TBRG1: variants seen among roughly 807,000 people sequenced by gnomAD.
TBRG1 encodes nuclear interactor of ARF and MDM2.
Under a neutral mutation model 44.0 loss-of-function variants are expected in TBRG1, and 31 were observed. That is an observed-to-expected ratio of 0.70 (90% CI 0.53 to 0.95). The LOEUF (loss-of-function observed/expected upper bound fraction) is 0.95, where lower values mean the gene tolerates loss of function less well. TBRG1 is among the 40% of genes least tolerant of loss of function. TBRG1 has a pLI of 0.00. For synonymous variants in TBRG1, 171 were observed against 188.1 expected (o/e 0.91, Z 0.74); for missense variants, 487 against 496.1 (o/e 0.98, Z 0.18).
Position 124,626,909 on chromosome 11 carries a change from C to T in TBRG1, c.597C>T (p.Ile199=). Residue 199 remains isoleucine (I), a synonymous_variant, in exon 5 of 9, where the codon ATC becomes ATT. Coordinates refer to ENST00000441174, the MANE Select transcript of TBRG1 (RefSeq NM_032811.3). ...GLTVYSLGEI[I]TDRPGFHDES... ...TGGGGGAATGTTTTTTATAGATCAT[C>T]ACCGACCGACCTGGCTTTCATGATG... 1.2e-6 allele frequency: 2 copies of T among 1,605,138 alleles called. No homozygotes were observed. Among genetic ancestry groups the T allele is most frequent in the Non-Finnish European group, 1.7e-6 (2 of 1,175,384 alleles).
intron 6 of TBRG1, 82 bp downstream of exon 6, chr11:124,630,567 G>A (rs1942586317): frequency 1.7e-6 from 2 of 1,154,332 alleles, no homozygotes; most frequent in Non-Finnish European, 2.6e-6. Flanking sequence ...TTAATGGGTG[G>A]AGATACTTTA....
At chr11:124,629,821 C>T (rs956412421) in intron 5 of TBRG1, 4 of 152,612 alleles carry the variant, frequency 2.6e-5, no homozygotes, top group Admixed American at 6.5e-5. Flanking sequence ...AAAATCATTG[C>T]GCTTTATAGA....
At position 124,622,958 on chromosome 11, in the gene TBRG1, G is replaced by C. The variant is rs1439282204; in HGVS notation, c.-126G>C. 1.5e-5 allele frequency: 17 copies of C among 1,104,058 alleles called. No homozygotes were observed. Among genetic ancestry groups the C allele is most frequent in the South Asian group, 1.5e-4 (9 of 60,560 alleles). The allele number at this position is 1,104,058 out of a possible 1,614,324, so 68.4% of individuals were successfully genotyped here. The stretch of plus-strand genomic sequence containing the variant: ...TGCGGTCAGCCCTGGGAACGTCCCG[G>C]AGAGCTAGATTCCTAGAGGCCCGAT... On this transcript the variant is annotated 5_prime_UTR_variant, in exon 1 of 9. Coordinates refer to ENST00000441174, the MANE Select transcript of TBRG1 (RefSeq NM_032811.3).
In TBRG1 at chr11:124,626,516, T is replaced by C. The variant is rs1363201656; in HGVS notation, c.498T>C (p.Ala166=). 6.5e-7 allele frequency: 1 copy of C among 1,550,056 alleles called. No homozygotes were observed. Among genetic ancestry groups the C allele is most frequent in the Non-Finnish European group, 8.7e-7 (1 of 1,146,210 alleles). The stretch of plus-strand genomic sequence containing the variant: ...AGAAAAAGAAAATGGCGGGAGGTGC[T>C]CGCAAGCTGGTTCAGCCCATTGCCC... ...TCKKKKMAGG[A]RKLVQPIALD... is the part of the protein sequence containing the mutation. Residue 166 remains alanine (A), a synonymous_variant, in exon 4 of 9, where the codon GCT becomes GCC. Transcript: ENST00000441174.
intron 5 of TBRG1, among the ~76,000 whole-genome samples, chr11:124,629,045 CTAAAG>C (rs1942549810): frequency 6.6e-6 from 1 of 152,154 alleles, no homozygotes; most frequent in Non-Finnish European, 1.5e-5. Context: ...ATCTTCAAGA[CTAAAG>C]TATAACATTT....
chr11:124,631,394 A>C lies in TBRG1; in HGVS notation c.1067A>C (p.Asp356Ala). The change falls in exon 8 of 9, where the codon GAT becomes GCT. Residue 356 changes from aspartate (D) to alanine (A), a missense_variant. Physicochemically the swap from Asp to Ala is moderately radical, Grantham distance 126. Transcript: ENST00000441174. Reference sequence around the variant, plus strand: ...TTTCAGAGACAGATCTTTGATGAAGATCAGAATGATCCCCTTCTGCCAGGT... The same window carrying C: ...TTTCAGAGACAGATCTTTGATGAAGCTCAGAATGATCCCCTTCTGCCAGGT... ...EAFQRQIFDEDQNDPLLPGSL... is the reference protein window; with the variant it reads ...EAFQRQIFDEAQNDPLLPGSL... The C allele has an allele frequency of 6.2e-7, 1 of 1,614,024 alleles. No homozygotes were observed. Among genetic ancestry groups the C allele is most frequent in the Non-Finnish European group, 8.5e-7 (1 of 1,179,888 alleles).
intron 5 of TBRG1, among the ~76,000 whole-genome samples, chr11:124,628,860 G>C (rs769239687): frequency 1.3e-5 from 2 of 152,130 alleles, no homozygotes; most frequent in Non-Finnish European, 2.9e-5. Context: ...ATGTGCAAAT[G>C]TGAACAAAGT....
rs11601766 is a variant in TBRG1 at position 124,631,057 on chromosome 11, T to C, written c.947+202T>C. 10 of 634,734 alleles carry C rather than the reference T, an allele frequency of 1.6e-5. No individual in the cohort carries two copies. In the East Asian group the frequency reaches 2.8e-4, roughly 17 times the overall value. The allele number at this position is 634,734 out of a possible 1,614,324, so 39.3% of individuals were successfully genotyped here. A position where few individuals can be genotyped will look rare whatever the true frequency, so the allele number is the denominator to read the frequency against. On this transcript the variant is annotated intron_variant, in intron 7 of 8. Coordinates refer to ENST00000441174, the MANE Select transcript of TBRG1 (RefSeq NM_032811.3). Reference sequence around the variant, plus strand: ...CACTGTTCGCTGATTATTACTATTTTCTGTATGTACCATGACAGCAAAAGG... The same window carrying C: ...CACTGTTCGCTGATTATTACTATTTCCTGTATGTACCATGACAGCAAAAGG...
rs2156162 is a variant in TBRG1, at chr11:124,630,865, A to G, written c.947+10A>G. The G allele has an allele frequency of 0.12, 183,298 of 1,529,716 alleles. 18,768 individuals carry two copies. The highest frequency in any genetic ancestry group is 0.55 in the African/African-American group (40,622 of 73,474). The allele number at this position is 1,529,716 out of a possible 1,614,324, so 94.8% of individuals were successfully genotyped here. The stretch of plus-strand genomic sequence containing the variant: ...CTCGAAAATGCATCAAGTAAGTGTG[A>G]TCAAATTCATTCCCTTGAGAAAAGC... On this transcript the variant is annotated intron_variant, in intron 7 of 8. Transcript: ENST00000441174.
chr11:124,630,667 C>A lies in TBRG1; in HGVS notation c.837-78C>A. The A allele has an allele frequency of 2.6e-6, 3 of 1,138,892 alleles. No individual in the cohort carries two copies. The South Asian group carries it at 3.9e-5, about 15-fold the overall frequency. The allele number at this position is 1,138,892 out of a possible 1,614,324, so 70.5% of individuals were successfully genotyped here. Reference sequence around the variant, plus strand: ...GTCAAGAAAGCTTATCCTGTTTGTTCATACCACTATTCTGTTCTTAAATCC... The same window carrying A: ...GTCAAGAAAGCTTATCCTGTTTGTTAATACCACTATTCTGTTCTTAAATCC... On this transcript the variant is annotated intron_variant, in intron 6 of 8. Coordinates refer to ENST00000441174, the MANE Select transcript of TBRG1 (RefSeq NM_032811.3).
At position 124,623,137 on chromosome 11, in the gene TBRG1, C is replaced by G. The variant is rs1565397420; in HGVS notation, c.54C>G (p.Ser18Arg). 6.4e-7 allele frequency: 1 copy of G among 1,551,408 alleles called. No individual in the cohort carries two copies. The highest frequency in any genetic ancestry group is 1.4e-5 in the African/African-American group (1 of 73,072). ...CGCCGCGGGCTCCGCTGCAGTCCAG[C>G]AAGGCCAGGATGAAAAAGCTCCCGA... ...ASSPRAPLQS[S>R]KARMKKLPKK... Residue 18 changes from serine to arginine, a missense_variant, in exon 1 of 9, where the codon AGC becomes AGG. Ser to Arg is a moderately radical substitution (Grantham distance 110, BLOSUM62 -1). Transcript: ENST00000441174.
At chr11:124,623,324 A>G (rs904281383) in intron 1 of TBRG1, 91 bp downstream of exon 1, 18 of 1,400,822 alleles carry the variant, frequency 1.3e-5, no homozygotes, top group African/African-American at 2.8e-5. Flanking sequence ...GTGTGACAGT[A>G]TTAATACAGT....
At position 124,630,633 on chromosome 11, in the gene TBRG1, A is replaced by G. The variant is rs1838168496; in HGVS notation, c.837-112A>G. 35 of 1,021,052 alleles carry G rather than the reference A, an allele frequency of 3.4e-5. 1 individual carries two copies. In the South Asian group the frequency reaches 4.5e-4, roughly 13 times the overall value. The allele number at this position is 1,021,052 out of a possible 1,614,324, so 63.2% of individuals were successfully genotyped here. A position where few individuals can be genotyped will look rare whatever the true frequency, so the allele number is the denominator to read the frequency against. ...ACATTGTGCCAACTAGAGCCTCCACATTATCAAAGTCAAGAAAGCTTATCC... is the reference window on the plus strand; with the variant it reads ...ACATTGTGCCAACTAGAGCCTCCACGTTATCAAAGTCAAGAAAGCTTATCC... On this transcript the variant is annotated intron_variant, in intron 6 of 8. Transcript: ENST00000441174.
rs1281668516 is a variant in TBRG1, at chr11:124,623,110, C to G, written c.27C>G (p.Ser9=). The G allele has an allele frequency of 1.3e-6, 2 of 1,550,848 alleles. No homozygotes were observed. The highest frequency in any genetic ancestry group is 2.7e-5 in the African/African-American group (2 of 73,072). Residue 9 remains serine (S), a synonymous_variant, in exon 1 of 9, where the codon TCC becomes TCG. Transcript: ENST00000441174. MSLLDGLA[S]SPRAPLQSSK... ...TGAGCCTGCTGGACGGCCTCGCTTC[C>G]TCGCCGCGGGCTCCGCTGCAGTCCA... is the stretch of plus-strand genomic sequence containing the variant.
At chr11:124,623,551 G>C (rs1289214420) in intron 1 of TBRG1, 1 of 410,692 alleles carries the variant, frequency 2.4e-6, no homozygotes, top group Non-Finnish European at 4.6e-6. Flanking sequence ...TTTGATTCTC[G>C]AGATACAGCC....
Position 124,623,023 on chromosome 11 carries a change from G to A in TBRG1, c.-61G>A, listed in dbSNP as rs1319684917. The stretch of plus-strand genomic sequence containing the variant: ...ACAGACAAAGCCAGCGCTCCCGCCC[G>A]CTCCCCGACTTAGGATCCGATGCCG... On this transcript the variant is annotated 5_prime_UTR_variant, in exon 1 of 9. Transcript: ENST00000441174. 9 of 1,466,580 alleles carry A rather than the reference G, an allele frequency of 6.1e-6. No homozygotes were observed. The East Asian group carries it at 9.9e-5, about 16-fold the overall frequency. 90.8% of individuals were successfully genotyped at this position (1,466,580 alleles called of 1,614,324 possible).
intron 1 of TBRG1, chr11:124,623,517 TACTGCAGG>T: frequency 2.1e-6 from 1 of 476,550 alleles, no homozygotes; most frequent in South Asian, 1.9e-5. Flanking sequence ...TCATCGTTGT[TACTGCAGG>T]ACTCTAGGAA....
intron 1 of TBRG1, among the ~76,000 whole-genome samples, chr11:124,624,381 A>G (rs1942410590): frequency 6.7e-6 from 1 of 149,454 alleles, no homozygotes; most frequent in Admixed American, 6.6e-5. Context: ...AAAAAAAAAA[A>G]AAGAAAAAAG....
intron 6 of TBRG1, 38 bp downstream of exon 6, chr11:124,630,523 C>A: frequency 6.9e-7 from 1 of 1,441,484 alleles, no homozygotes; most frequent in South Asian, 1.1e-5. Flanking sequence ...GCTAAAAGAT[C>A]ACTGTTGGTA....
Sources: allele counts gnomAD v4.1 joint callset (sites outside exome capture counted in the v4.1 genomes callset), GRCh38; gene constraint gnomAD v4.1.1; transcripts MANE v1.5; gene names NCBI Gene and HGNC (gene_info 2026-07-23, HGNC 2026-07-21).